The following PSMC4 variants were observed in gnomAD, a reference collection of about 807,000 sequenced individuals.
The protein encoded by PSMC4 is proteasome 26S subunit, ATPase 4.
In PSMC4, 13 loss-of-function variants were observed where a neutral mutation model predicts 48.4. The ratio of observed to expected loss-of-function variants is 0.27; its 90% CI spans 0.18 to 0.43. The LOEUF is 0.43. Among genes scored for constraint, PSMC4 ranks in the 20% least tolerant of loss-of-function variants. The pLI, the probability that PSMC4 is intolerant of heterozygous loss-of-function variation, is 1.00. For synonymous variants in PSMC4, 202 were observed against 212.3 expected, an observed-to-expected ratio of 0.95 and a Z score of 0.42; for missense variants, 262 against 555.9, an observed-to-expected ratio of 0.47 and a Z score of 5.32.
intron 6 of PSMC4, among the ~76,000 whole-genome samples, chr19:39,975,643 T>G (rs1238305985): frequency 6.6e-6 from 1 of 152,170 alleles, no homozygotes; most frequent in East Asian, 1.9e-4. Flanking sequence ...AATTAACCTC[T>G]CTGTGACTCA....
intron 3 of PSMC4, 37 bp downstream of exon 3, chr19:39,972,592 T>C (rs1197978113): frequency 1.3e-6 from 2 of 1,566,400 alleles, no homozygotes. Flanking sequence ...ATCTGTCCAC[T>C]TAACAACTAT....
intron 6 of PSMC4, among the ~76,000 whole-genome samples, chr19:39,978,131 CG>C (rs1971234324): frequency 6.6e-6 from 1 of 151,964 alleles, no homozygotes; most frequent in South Asian, 2.1e-4. Flanking sequence ...TCTTGTTTTT[CG>C]GGGGGAATTC....
In PSMC4 at chr19:39,974,698, CCT is replaced by C. The variant is rs759671760; in HGVS notation, c.580-36_580-35del. 5 of 1,612,684 alleles carry C rather than the reference CCT, an allele frequency of 3.1e-6. No individual in the cohort carries two copies. Among genetic ancestry groups the C allele is most frequent in the South Asian group, 1.1e-5 (1 of 91,034 alleles). ...TGGGTCTGGGGTTGGAGGTGGAACCCCTGACTCCCACTTCTCTTCCTTCCTCT... is the reference window on the plus strand; with the variant it reads ...TGGGTCTGGGGTTGGAGGTGGAACCCGACTCCCACTTCTCTTCCTTCCTCT... On this transcript the variant is annotated intron_variant, in intron 5 of 10. Coordinates refer to ENST00000157812, the MANE Select transcript of PSMC4 (RefSeq NM_006503.4). This position sits in a 1 kb window ranked among gnomAD's most constrained non-coding sequence, Gnocchi z 5.5.
chr19:39,976,531 T>C (rs1040266040), intron 6 of PSMC4, among the ~76,000 whole-genome samples: 2 of 143,228 alleles, frequency 1.4e-5, no homozygotes, highest in African/African-American at 5.5e-5. Flanking sequence ...TTTTTTGAGA[T>C]GGAGTCTTGC....
rs1013555443 is a variant in PSMC4 at position 39,980,655 on chromosome 19, G to A, written c.1088-7G>A. 17 of 1,613,762 alleles carry A rather than the reference G, an allele frequency of 1.1e-5. No homozygotes were observed. The highest frequency in any genetic ancestry group is 2.2e-5 in the East Asian group (1 of 44,880). ...ACACAGGGAATAGTTTCCTTAACTC[G>A]CTGCAGATGTGGCCCGGCCAGATAA... On this transcript the variant is annotated splice_polypyrimidine_tract_variant and splice_region_variant and intron_variant, in intron 9 of 10. Coordinates refer to ENST00000157812, the MANE Select transcript of PSMC4 (RefSeq NM_006503.4). The surrounding 1 kb of genome is among the most constrained non-coding windows in gnomAD (Gnocchi z 4.8).
At chr19:39,975,449 A>C (rs1217640536) in intron 6 of PSMC4, among the ~76,000 whole-genome samples, 2 of 149,620 alleles carry the variant, frequency 1.3e-5, no homozygotes, top group Non-Finnish European at 2.9e-5. Flanking sequence ...AAAATGTCTG[A>C]AAGTCACTCA....
At position 39,971,220 on chromosome 19, in the gene PSMC4, C is replaced by T. The variant is rs547778812; in HGVS notation, c.18C>T (p.Ile6=). The stretch of plus-strand genomic sequence containing the variant: ...TGGTCACTATGGAGGAGATAGGCAT[C>T]TTGGTGGAGAAGGCTCAGGTACAGT... MEEIG[I]LVEKAQDEIP... The change falls in exon 1 of 11, where the codon ATC becomes ATT. Residue 6 remains isoleucine, a synonymous_variant. Coordinates refer to ENST00000157812, the MANE Select transcript of PSMC4 (RefSeq NM_006503.4). 3.1e-6 allele frequency: 5 copies of T among 1,614,178 alleles called. No homozygotes were observed. The highest frequency in any genetic ancestry group is 4.2e-6 in the Non-Finnish European group (5 of 1,180,014).
intron 6 of PSMC4, among the ~76,000 whole-genome samples, chr19:39,975,082 T>C (rs573516110): frequency 6.6e-6 from 1 of 152,316 alleles, no homozygotes; most frequent in African/African-American, 2.4e-5. Flanking sequence ...CTATTAGTAA[T>C]TATGAATTTC....
At chr19:39,975,365 C>T (rs1324812434) in intron 6 of PSMC4, among the ~76,000 whole-genome samples, 1 of 142,220 alleles carries the variant, frequency 7.0e-6, no homozygotes, top group East Asian at 2.0e-4. Context: ...GGGATCCTCC[C>T]ACAGTGCTGG....
intron 1 of PSMC4, 142 bp downstream of exon 1, chr19:39,971,380 G>A: frequency 1.0e-6 from 1 of 997,424 alleles, no homozygotes; most frequent in East Asian, 2.5e-5. Flanking sequence ...AGAGCTTTGT[G>A]CCATTCGAAG....
At chr19:39,972,021 C>T in intron 1 of PSMC4, 125 bp from the exon 2 acceptor site, 1 of 863,600 alleles carries the variant, frequency 1.2e-6, no homozygotes, top group Non-Finnish European at 1.9e-6. Context: ...CTTAAGATAT[C>T]AGGGGTCTGT....
intron 6 of PSMC4, among the ~76,000 whole-genome samples, chr19:39,976,305 C>A (rs1971197277): frequency 7.1e-6 from 1 of 140,870 alleles, no homozygotes; most frequent in South Asian, 2.4e-4. Context: ...CGCCTGTAGT[C>A]CCAGCTACTC....
chr19:39,976,846 ATTT>A (rs1222145410), intron 6 of PSMC4, among the ~76,000 whole-genome samples: 6 of 105,744 alleles, frequency 5.7e-5, no homozygotes, highest in South Asian at 3.0e-4. Context: ...TTTGTGTGTG[ATTT>A]TTTTTTTTTT....
At position 39,980,832 on chromosome 19, in the gene PSMC4, C is replaced by G. The variant is rs1213070943; in HGVS notation, c.1143+115C>G. On this transcript the variant is annotated intron_variant, in intron 10 of 10. Transcript: ENST00000157812. This position sits in a 1 kb window ranked among gnomAD's most constrained non-coding sequence, Gnocchi z 4.8. ...GGCTGCCCTGGGTCGTGGGCGCCATCTCTCTCTTCCTCTACCATCACTAGG... is the reference window on the plus strand; with the variant it reads ...GGCTGCCCTGGGTCGTGGGCGCCATGTCTCTCTTCCTCTACCATCACTAGG... 2 of 984,288 alleles carry G rather than the reference C, an allele frequency of 2.0e-6. No individual in the cohort carries two copies. Among genetic ancestry groups the G allele is most frequent in the East Asian group, 4.8e-5 (2 of 41,892 alleles). The allele number at this position is 984,288 out of a possible 1,614,324, so 61.0% of individuals were successfully genotyped here.
At position 39,980,200 on chromosome 19, in the gene PSMC4, TG is replaced by T. The variant is rs1971265997; in HGVS notation, c.918+59del. 1.9e-6 allele frequency: 3 copies of T among 1,613,342 alleles called. No individual in the cohort carries two copies. The highest frequency in any genetic ancestry group is 2.7e-5 in the African/African-American group (2 of 74,724). ...GTGTGGTGTAGGAACTGGGGAAAGTTGGGGGCTGGCACCTAAGGGGTGGTTA... is the reference window on the plus strand; with the variant it reads ...GTGTGGTGTAGGAACTGGGGAAAGTTGGGGCTGGCACCTAAGGGGTGGTTA... On this transcript the variant is annotated intron_variant, in intron 8 of 10. Transcript: ENST00000157812. The surrounding 1 kb of genome is among the most constrained non-coding windows in gnomAD (Gnocchi z 4.8).
rs769338365 is a variant in PSMC4 at position 39,974,280 on chromosome 19, C to T, written c.323-14C>T. The T allele has an allele frequency of 1.2e-6, 2 of 1,613,326 alleles. No homozygotes were observed. The highest frequency in any genetic ancestry group is 1.7e-5 in the Admixed American group (1 of 59,986). ...AGGCTGACACTTCTCGTTTTCCTCT[C>T]TCCCTTCTCGCAGGCTCCAACTATT... On this transcript the variant is annotated splice_polypyrimidine_tract_variant and intron_variant, in intron 3 of 10. Coordinates refer to ENST00000157812, the MANE Select transcript of PSMC4 (RefSeq NM_006503.4). This position sits in a 1 kb window ranked among gnomAD's most constrained non-coding sequence, Gnocchi z 5.5.
rs780949390 is a variant in PSMC4 at position 39,972,231 on chromosome 19, AC to A, written c.123del (p.Tyr41Ter). 1 of 1,613,530 alleles carries A rather than the reference AC, an allele frequency of 6.2e-7. No homozygotes were observed. Among genetic ancestry groups the A allele is most frequent in the South Asian group, 1.1e-5 (1 of 91,086 alleles). Reference sequence around the variant, plus strand: ...GAGCCTGAGGACCTGGAGGACCTGTACAGCCGCTACAAGGTACATTCGACCC... The same window carrying A: ...GAGCCTGAGGACCTGGAGGACCTGTAAGCCGCTACAAGGTACATTCGACCC... ...GPEPEDLEDL[Y>X]SRYKKLQQEL... On this transcript the variant is annotated frameshift_variant, in exon 2 of 11. Transcript: ENST00000157812. LOFTEE classifies it high-confidence loss of function.
Position 39,974,722 on chromosome 19 carries a change from C to A in PSMC4, c.580-13C>A. On this transcript the variant is annotated splice_polypyrimidine_tract_variant and intron_variant, in intron 5 of 10. Transcript: ENST00000157812. The surrounding 1 kb of genome is among the most constrained non-coding windows in gnomAD (Gnocchi z 5.5). ...CCCTGACTCCCACTTCTCTTCCTTCCTCTGGGTTTCAGATCGGCATCGATC... is the reference window on the plus strand; with the variant it reads ...CCCTGACTCCCACTTCTCTTCCTTCATCTGGGTTTCAGATCGGCATCGATC... The A allele has an allele frequency of 6.2e-7, 1 of 1,613,816 alleles. No homozygotes were observed. The highest frequency in any genetic ancestry group is 8.5e-7 in the Non-Finnish European group (1 of 1,179,744).
chr19:39,980,626 C>T lies in PSMC4; in HGVS notation c.1088-36C>T. 6.2e-7 allele frequency: 1 copy of T among 1,610,938 alleles called. No individual in the cohort carries two copies. The highest frequency in any genetic ancestry group is 8.5e-7 in the Non-Finnish European group (1 of 1,177,218). On this transcript the variant is annotated intron_variant, in intron 9 of 10. Transcript: ENST00000157812. The surrounding 1 kb of genome is among the most constrained non-coding windows in gnomAD (Gnocchi z 4.8). ...GACTTCCAGCCCCAGGCATTTACCC[C>T]ATCACACAGGGAATAGTTTCCTTAA...
Sources: allele counts gnomAD v4.1 joint callset (sites outside exome capture counted in the v4.1 genomes callset), GRCh38; gene constraint gnomAD v4.1.1; non-coding constraint Gnocchi (gnomAD v3.1); transcripts MANE v1.5; gene names NCBI Gene and HGNC (gene_info 2026-07-23, HGNC 2026-07-21).